NAV3: variants seen among roughly 807,000 people sequenced by gnomAD.
The protein encoded by NAV3 is neuron navigator 3, also known as pore membrane and/or filament interacting like protein 1.
In NAV3, 87 loss-of-function variants were observed where a neutral mutation model predicts 244.7. The observed-to-expected ratio is 0.36, with a 90% CI of 0.30 to 0.42. NAV3 has a LOEUF of 0.42. Among genes scored for constraint, NAV3 ranks in the 20% least tolerant of loss-of-function variants. The pLI, the probability that NAV3 is intolerant of heterozygous loss-of-function variation, is 1.00. For missense variants in NAV3, 2,663 were observed against 2,893.3 expected (o/e 0.92, Z 1.83); for synonymous variants, 1,126 against 1,042.2 (o/e 1.08, Z -1.55).
At chr12:78,022,183 T>G (rs1333269793) in intron 9 of NAV3, among the ~76,000 whole-genome samples, 1 of 152,162 alleles carries the variant, frequency 6.6e-6, no homozygotes, top group African/African-American at 2.4e-5. Flanking sequence ...ATGTATATTC[T>G]CCATGGCTAA....
In NAV3 at chr12:78,051,137, A is replaced by T. The variant is rs150674449; in HGVS notation, c.2506A>T (p.Ile836Phe). ...ILGKSLRTDD[I>F]NSGYMTDGGL... is the part of the protein sequence containing the mutation. Reference sequence around the variant, plus strand: ...TGGGAAAAGTCTCAGGACTGATGACATCAACAGTGGGTAAGTAACCCTGTT... The same window carrying T: ...TGGGAAAAGTCTCAGGACTGATGACTTCAACAGTGGGTAAGTAACCCTGTT... The change falls in exon 11 of 40, where the codon ATC becomes TTC. Residue 836 changes from isoleucine to phenylalanine, a missense_variant. Ile to Phe is a conservative substitution (Grantham distance 21, BLOSUM62 0). This residue lies in a region of NAV3 where 1,521 missense variants were observed against 1,497.0 expected (regional missense o/e 1.02). Coordinates refer to ENST00000397909, the MANE Select transcript of NAV3 (RefSeq NM_001024383.2). 1 of 1,604,560 alleles carries T rather than the reference A, an allele frequency of 6.2e-7. No individual in the cohort carries two copies. Among genetic ancestry groups the T allele is most frequent in the South Asian group, 1.1e-5 (1 of 90,810 alleles).
At chr12:78,187,770 A>G (rs1392028771) in intron 31 of NAV3, among the ~76,000 whole-genome samples, 2 of 151,888 alleles carry the variant, frequency 1.3e-5, no homozygotes. Context: ...TAAAATTAAT[A>G]AAACAACTGA....
chr12:77,817,419 G>A (rs1157468402), intron 2 of NAV3, among the ~76,000 whole-genome samples: 1 of 152,118 alleles, frequency 6.6e-6, no homozygotes, highest in African/African-American at 2.4e-5. Context: ...AAAAGAAATA[G>A]CTGCTGAGTT....
intron 13 of NAV3, among the ~76,000 whole-genome samples, chr12:78,117,162 T>C (rs1250393389): frequency 1.1e-5 from 1 of 92,258 alleles, no homozygotes; most frequent in Non-Finnish European, 2.2e-5. Context: ...AAGCAGCATA[T>C]ATATATATAT....
chr12:77,572,839 A>G (rs1868891376), intron 2 of NAV3, among the ~76,000 whole-genome samples: 1 of 152,244 alleles, frequency 6.6e-6, no homozygotes, highest in Non-Finnish European at 1.5e-5. Context: ...TTTAAAAGAA[A>G]GCGTTTAGCG....
intron 2 of NAV3, among the ~76,000 whole-genome samples, chr12:77,605,208 A>T (rs1465404106): frequency 6.6e-6 from 1 of 152,108 alleles, no homozygotes; most frequent in African/African-American, 2.4e-5. Flanking sequence ...TCATTCAATC[A>T]TCTCAATAAA....
At chr12:77,771,497 A>C (rs899374668) in intron 2 of NAV3, among the ~76,000 whole-genome samples, 2 of 152,218 alleles carry the variant, frequency 1.3e-5, no homozygotes, top group African/African-American at 4.8e-5. Context: ...CACAATAGCA[A>C]AGACTTGGAA....
intron 2 of NAV3, among the ~76,000 whole-genome samples, chr12:77,588,421 T>C (rs1254233292): frequency 1.3e-5 from 2 of 152,090 alleles, no homozygotes; most frequent in African/African-American, 4.8e-5. Flanking sequence ...ACCCAACCAA[T>C]AAGTATTTAC....
At chr12:78,153,491 A>G (rs1048929708) in intron 22 of NAV3, among the ~76,000 whole-genome samples, 4 of 152,108 alleles carry the variant, frequency 2.6e-5, no homozygotes, top group Non-Finnish European at 5.9e-5. Context: ...GCACAAGGAA[A>G]GGCAGAACTA....
chr12:78,205,002 C>A lies in NAV3; in HGVS notation c.6902C>A (p.Ser2301Ter). Residue 2301 changes from serine (S) to a stop codon, truncating the protein, a stop_gained, in exon 39 of 40, where the codon TCA becomes TAA. Transcript: ENST00000397909. LOFTEE classifies it high-confidence loss of function. The part of the protein sequence containing the change: ...KWVLDTYPWS[S>*]ATLPQESPAL... ...GTGCTTGACACATATCCATGGAGCTCAGCAACTCTGCCTCAGGAGAGCCCA... is the reference window on the plus strand; with the variant it reads ...GTGCTTGACACATATCCATGGAGCTAAGCAACTCTGCCTCAGGAGAGCCCA... The A allele has an allele frequency of 6.2e-7, 1 of 1,613,594 alleles. No individual in the cohort carries two copies. The highest frequency in any genetic ancestry group is 1.1e-5 in the South Asian group (1 of 91,072).
chr12:78,119,290 T>A lies in NAV3; in HGVS notation c.3094T>A (p.Ser1032Thr), dbSNP rs754682727. The change falls in exon 15 of 40, where the codon TCA (serine) becomes ACA (threonine). Residue 1032 changes from serine to threonine, a missense_variant. Transcript: ENST00000397909. ...GAAAGGAAAAGCTCCCCTAAAAGGA[T>A]CATCTCTACAAAGATCTCCTTCAGA... ...SEKGKAPLKG[S>T]SLQRSPSDAG... The A allele has an allele frequency of 1.1e-5, 18 of 1,614,112 alleles. No homozygotes were observed. The South Asian group carries it at 1.4e-4, about 13-fold the overall frequency.
intron 12 of NAV3, among the ~76,000 whole-genome samples, chr12:78,102,140 A>G (rs976725650): frequency 6.6e-6 from 1 of 152,162 alleles, no homozygotes; most frequent in Non-Finnish European, 1.5e-5. Flanking sequence ...TGAGACAAGG[A>G]AAGTCCCTTC....
At chr12:78,199,169 C>A (rs1156683955) in intron 36 of NAV3, 166 bp from the exon 37 acceptor site, 2 of 696,760 alleles carry the variant, frequency 2.9e-6, no homozygotes, top group South Asian at 1.5e-5. Flanking sequence ...TCCTAGTAGA[C>A]CTCCTAACAC....
At chr12:77,993,458 GTT>G (rs1871793912) in intron 5 of NAV3, among the ~76,000 whole-genome samples, 1 of 152,186 alleles carries the variant, frequency 6.6e-6, no homozygotes, top group Admixed American at 6.5e-5. Flanking sequence ...TACTGAGGTA[GTT>G]TAGCTAGTTG....
At chr12:77,687,574 C>A (rs1054502377) in intron 2 of NAV3, among the ~76,000 whole-genome samples, 1 of 152,078 alleles carries the variant, frequency 6.6e-6, no homozygotes, top group African/African-American at 2.4e-5. Flanking sequence ...AAGCTTATAT[C>A]TGCCAGAGTT....
chr12:77,634,580 C>T (rs1357429897), intron 2 of NAV3, among the ~76,000 whole-genome samples: 1 of 152,066 alleles, frequency 6.6e-6, no homozygotes, highest in African/African-American at 2.4e-5. Flanking sequence ...CTTGCAAGAA[C>T]ATTTATATTT....
Position 77,598,782 on chromosome 12 carries a change from A to G in NAV3, c.72+26516A>G, listed in dbSNP as rs185568723. ...TGTAAAAATATAATTTGCATACCAT[A>G]TAATTGTCCATCACCTCTAAAAGTT... On this transcript the variant is annotated intron_variant, in intron 2 of 8. Transcript: ENST00000550042. Among the ~76,000 whole-genome samples the G allele has an allele frequency of 4.6e-3, 698 of 152,092 alleles. 3 individuals are homozygous for G. Among genetic ancestry groups the G allele is most frequent in the Non-Finnish European group, 7.5e-3 (512 of 67,880 alleles).
intron 2 of NAV3, among the ~76,000 whole-genome samples, chr12:77,691,360 T>TATATATATGTATAC (rs60932712): frequency 5.9e-5 from 8 of 134,834 alleles, no homozygotes; most frequent in Admixed American, 1.5e-4. Context: ...TATATACATA[T>TATATATATGTATAC]CCATTCTTGT....
At chr12:77,956,503 A>G (rs1218226070) in intron 3 of NAV3, among the ~76,000 whole-genome samples, 3 of 152,168 alleles carry the variant, frequency 2.0e-5, no homozygotes, top group Non-Finnish European at 2.9e-5. Flanking sequence ...TATCTGGTTT[A>G]TGATTATTTA....
Sources: gnomAD v4.1 joint callset for allele counts (sites outside exome capture counted in the v4.1 genomes callset) on GRCh38, gnomAD v4.1.1 for gene constraint, gnomAD v4.1.1 regional missense constraint, MANE v1.5 for transcripts, NCBI Gene and HGNC (gene_info 2026-07-23, HGNC 2026-07-21) for gene names.